BCAR1: variants seen among roughly 807,000 people sequenced by gnomAD.
The protein encoded by BCAR1 is BCAR1 scaffold protein, Cas family member, also known as breast cancer anti-estrogen resistance protein 1.
BCAR1 carries 30 observed loss-of-function variants against 67.6 expected under a neutral mutation model. That is an observed-to-expected ratio of 0.44 (90% confidence interval 0.33 to 0.60). The LOEUF (loss-of-function observed/expected upper bound fraction) is 0.60. Ranked by LOEUF, BCAR1 falls within the 20% of genes least tolerant of loss-of-function variation. The pLI, the probability that BCAR1 is intolerant of heterozygous loss-of-function variation, is 0.02. For missense variants in BCAR1, 1,313 were observed against 1,222.3 expected (o/e 1.07, Z -1.11); for synonymous variants, 626 against 556.7 (o/e 1.12, Z -1.75).
chr16:75,266,201 A>C, intron 1 of BCAR1: 11 of 200,414 alleles, frequency 5.5e-5, no homozygotes, highest in South Asian at 1.8e-4. Flanking sequence ...CTCCCCCAAC[A>C]CTACACTGCC....
rs765596880 is a variant in BCAR1 at position 75,235,228 on chromosome 16, T to A, written c.1671A>T (p.Ala557=). The change falls in exon 5 of 7, where the codon GCA becomes GCT. Residue 557 remains alanine (A), a synonymous_variant. Transcript: ENST00000162330. ...KMEDVHQTLV[A]HGQALDAGRG... The stretch of plus-strand genomic sequence containing the variant: ...GGCCAGCGTCGAGGGCCTGACCATG[T>A]GCCACCAGCGTCTGGTGCACGTCCT... The A allele has an allele frequency of 1.2e-6, 2 of 1,607,188 alleles. No homozygotes were observed. Among genetic ancestry groups the A allele is most frequent in the East Asian group, 4.5e-5 (2 of 44,730 alleles).
At chr16:75,240,385 C>CA (rs2077299038) in intron 2 of BCAR1, among the ~76,000 whole-genome samples, 1 of 152,174 alleles carries the variant, frequency 6.6e-6, no homozygotes. Flanking sequence ...GTAATGAAGG[C>CA]ATGAGCAATC....
intron 1 of BCAR1, among the ~76,000 whole-genome samples, chr16:75,245,123 G>A (rs1567611207): frequency 6.6e-6 from 1 of 152,358 alleles, no homozygotes; most frequent in African/African-American, 2.4e-5. Flanking sequence ...GGGCTGTCCT[G>A]CAGCCCACCG....
chr16:75,267,806 C>T, intron 1 of BCAR1: 1 of 1,188,360 alleles, frequency 8.4e-7, no homozygotes, highest in Non-Finnish European at 1.2e-6. Context: ...CTGGACCCTC[C>T]AATCCATCTC....
chr16:75,250,455 A>G (rs1264786178), intron 1 of BCAR1, among the ~76,000 whole-genome samples: 5 of 152,190 alleles, frequency 3.3e-5, no homozygotes, highest in Non-Finnish European at 5.9e-5. Flanking sequence ...GAAGAGATCA[A>G]CCCATGGTCA....
At chr16:75,230,057 C>A in intron 6 of BCAR1, 34 bp from the exon 7 acceptor site, 1 of 1,515,418 alleles carries the variant, frequency 6.6e-7, no homozygotes, top group Non-Finnish European at 8.8e-7. Context: ...CAGGGTTAGG[C>A]TCTCGGGTGA....
chr16:75,248,283 C>T (rs2077579629), intron 1 of BCAR1: 2 of 1,435,154 alleles, frequency 1.4e-6, no homozygotes, highest in African/African-American at 1.4e-5. Context: ...CATGCACCCG[C>T]CCCAGCACAG....
intron 5 of BCAR1, among the ~76,000 whole-genome samples, chr16:75,234,661 G>A (rs976916737): frequency 6.6e-6 from 1 of 152,230 alleles, no homozygotes; most frequent in Non-Finnish European, 1.5e-5. Context: ...CAGAACAGCA[G>A]AGTCACCGCT....
At chr16:75,261,615 G>T (rs1471557002) in intron 1 of BCAR1, among the ~76,000 whole-genome samples, 1 of 152,244 alleles carries the variant, frequency 6.6e-6, no homozygotes, top group Non-Finnish European at 1.5e-5. Context: ...CCAGCTGGTT[G>T]CCCCAATGCA....
chr16:75,237,838 C>T (rs1028574939), intron 2 of BCAR1, among the ~76,000 whole-genome samples: 15 of 152,154 alleles, frequency 9.9e-5, no homozygotes, highest in East Asian at 1.9e-4. Flanking sequence ...GGACTGCATC[C>T]GGCCCAGGAC....
At chr16:75,239,073 T>A (rs2061676319) in intron 2 of BCAR1, 1 of 985,190 alleles carries the variant, frequency 1.0e-6, no homozygotes, top group Non-Finnish European at 1.2e-6. Context: ...TGGAGCTGAG[T>A]CGGGTGGCAG....
intron 6 of BCAR1, 30 bp downstream of exon 6, chr16:75,233,816 G>A (rs748814722): frequency 6.4e-7 from 1 of 1,571,720 alleles, no homozygotes; most frequent in Non-Finnish European, 8.6e-7. Flanking sequence ...AGCGGGCAAA[G>A]CTGGGCCTTG....
chr16:75,238,618 G>C, intron 2 of BCAR1: 5 of 986,654 alleles, frequency 5.1e-6, no homozygotes, highest in Non-Finnish European at 6.0e-6. Context: ...AGCAGAACTG[G>C]GCCCACTAGG....
chr16:75,245,071 C>T (rs946298316), intron 1 of BCAR1, among the ~76,000 whole-genome samples: 4 of 152,238 alleles, frequency 2.6e-5, no homozygotes, highest in African/African-American at 9.6e-5. Flanking sequence ...GGCAGTGCGG[C>T]AGGTCTAGGG....
rs965851977 is a variant in BCAR1, at chr16:75,235,307, T to C, written c.1592A>G (p.His531Arg). ...FARSAVGNAAHTSDRALHAKL... is the reference protein window; with the variant it reads ...FARSAVGNAARTSDRALHAKL... ...GGCATGCAGGGCACGGTCAGATGTG[T>C]GGGCAGCATTGCCCACCGCGCTGCG... Residue 531 changes from histidine to arginine, a missense_variant, in exon 5 of 7, where the codon CAC becomes CGC. This residue lies in a region of BCAR1 where 1,272 missense variants were observed against 1,137.5 expected (regional missense o/e 1.12). Transcript: ENST00000162330. The C allele has an allele frequency of 6.2e-7, 1 of 1,604,660 alleles. No individual in the cohort carries two copies. Among genetic ancestry groups the C allele is most frequent in the Non-Finnish European group, 8.5e-7 (1 of 1,173,692 alleles).
rs79390777 is a variant in BCAR1, at chr16:75,266,739, C to T, written c.66+1176G>A. 8.2e-4 allele frequency: 1,194 copies of T among 1,451,230 alleles called. 8 individuals are homozygous for T. The African/African-American group carries it at 0.015, about 19-fold the overall frequency. 89.9% of individuals were successfully genotyped at this position (1,451,230 alleles called of 1,614,324 possible). A position where few individuals can be genotyped will look rare whatever the true frequency, so the allele number is the denominator to read the frequency against. On this transcript the variant is annotated intron_variant, in intron 1 of 6. Coordinates refer to the BCAR1 transcript ENST00000393422. ...CCACTCAAAGGAAGGACCAGGGGTC[C>T]GACCCCTCTGTTCTGCTTCCTGGGG... is the stretch of plus-strand genomic sequence containing the variant.
At chr16:75,244,753 G>A (rs2077464100) in intron 1 of BCAR1, among the ~76,000 whole-genome samples, 1 of 152,202 alleles carries the variant, frequency 6.6e-6, no homozygotes, top group Admixed American at 6.5e-5. Context: ...AGGCCCAGGT[G>A]GAGTCATATT....
intron 5 of BCAR1, among the ~76,000 whole-genome samples, chr16:75,234,427 C>T (rs957036206): frequency 6.6e-6 from 1 of 152,186 alleles, no homozygotes; most frequent in African/African-American, 2.4e-5. Context: ...TCCCCCTTGG[C>T]CTAAAGGCCT....
Position 75,236,872 on chromosome 16 carries a change from A to G in BCAR1, c.912+10T>C, listed in dbSNP as rs753230092. On this transcript the variant is annotated intron_variant, in intron 4 of 6. Transcript: ENST00000162330. ...AGCCTGGCCCTGGCATTGCCCTGGC[A>G]TTTGCTCACTGCGTGGTGGTTGGAC... The G allele has an allele frequency of 6.2e-7, 1 of 1,610,874 alleles. No individual in the cohort carries two copies. Among genetic ancestry groups the G allele is most frequent in the Admixed American group, 1.7e-5 (1 of 59,762 alleles).
Sources: gnomAD v4.1 joint callset for allele counts (sites outside exome capture counted in the v4.1 genomes callset) on GRCh38, gnomAD v4.1.1 for gene constraint, gnomAD v4.1.1 regional missense constraint, MANE v1.5 for transcripts, NCBI Gene and HGNC (gene_info 2026-07-23, HGNC 2026-07-21) for gene names.